KCNIP1: variants seen among roughly 807,000 people sequenced by gnomAD.
The protein encoded by KCNIP1 is A-type potassium channel modulatory protein KCNIP1.
In KCNIP1, 18 loss-of-function variants were observed where a neutral mutation model predicts 33.0. The ratio of observed to expected loss-of-function variants is 0.55; its 90% CI spans 0.38 to 0.81. The LOEUF is 0.81. Ranked by LOEUF, KCNIP1 falls within the 30% of genes least tolerant of loss-of-function variation. The pLI is 0.00. For missense variants in KCNIP1, 238 were observed against 271.6 expected, an observed-to-expected ratio of 0.88 and a Z score of 0.87; for synonymous variants, 93 against 98.3, an observed-to-expected ratio of 0.95 and a Z score of 0.32.
intron 1 of KCNIP1, among the ~76,000 whole-genome samples, chr5:170,585,521 C>T (rs1294259316): frequency 2.0e-5 from 3 of 152,158 alleles, no homozygotes; most frequent in Non-Finnish European, 4.4e-5. Flanking sequence ...TTCAGCTCCA[C>T]CCACTAGTCT....
chr5:170,456,745 G>A (rs1259498964), intron 1 of KCNIP1, among the ~76,000 whole-genome samples: 3 of 64,986 alleles, frequency 4.6e-5, no homozygotes, highest in South Asian at 4.3e-4. Flanking sequence ...TTGAGACAAG[G>A]TCTAGCTCTG....
chr5:170,655,611 C>A (rs1012181565), intron 1 of KCNIP1, among the ~76,000 whole-genome samples: 3 of 152,142 alleles, frequency 2.0e-5, no homozygotes, highest in Admixed American at 6.5e-5. Flanking sequence ...TGACTTCTTC[C>A]CCAGTTTCAG....
chr5:170,518,370 C>T (rs1413618398), intron 1 of KCNIP1, among the ~76,000 whole-genome samples: 1 of 152,138 alleles, frequency 6.6e-6, no homozygotes, highest in African/African-American at 2.4e-5. Context: ...ACAAATCAGC[C>T]CATGCCTTCA....
chr5:170,401,616 G>T (rs1383996340), intron 1 of KCNIP1, among the ~76,000 whole-genome samples: 2 of 152,116 alleles, frequency 1.3e-5, no homozygotes, highest in Admixed American at 1.3e-4. Context: ...CTTTTAATGA[G>T]CCAGGCATGG....
intron 1 of KCNIP1, among the ~76,000 whole-genome samples, chr5:170,464,811 A>G (rs1756576459): frequency 1.3e-5 from 2 of 152,192 alleles, no homozygotes; most frequent in South Asian, 4.1e-4. Context: ...TAACCCCCAA[A>G]GCCTGGCTTA....
intron 5 of KCNIP1, among the ~76,000 whole-genome samples, chr5:170,723,046 A>G (rs1465384563): frequency 6.6e-6 from 1 of 152,154 alleles, no homozygotes; most frequent in Non-Finnish European, 1.5e-5. Context: ...TCACTGGGTC[A>G]CCTAGATTCA....
chr5:170,487,067 A>G (rs1431128730), intron 1 of KCNIP1, among the ~76,000 whole-genome samples: 1 of 152,246 alleles, frequency 6.6e-6, no homozygotes, highest in Non-Finnish European at 1.5e-5. Flanking sequence ...AGAGAGAGAA[A>G]GAGATTTCCT....
intron 1 of KCNIP1, among the ~76,000 whole-genome samples, chr5:170,470,650 A>T (rs1372205131): frequency 3.3e-5 from 5 of 152,154 alleles, no homozygotes; most frequent in Non-Finnish European, 7.4e-5. Flanking sequence ...AAATTAATAC[A>T]TGGAGACTAT....
chr5:170,650,043 T>A (rs534604708), intron 1 of KCNIP1, among the ~76,000 whole-genome samples: 1 of 152,090 alleles, frequency 6.6e-6, no homozygotes, highest in Admixed American at 6.5e-5. Flanking sequence ...TCCTGTGCAG[T>A]TGGGAGAAGG....
intron 1 of KCNIP1, among the ~76,000 whole-genome samples, chr5:170,367,498 A>G (rs1415001701): frequency 2.6e-5 from 4 of 152,180 alleles, no homozygotes; most frequent in Non-Finnish European, 5.9e-5. Flanking sequence ...AAGACCTGGC[A>G]TAGAGTAGGG....
chr5:170,599,688 C>T (rs981442748), intron 1 of KCNIP1, among the ~76,000 whole-genome samples: 1 of 92,478 alleles, frequency 1.1e-5, no homozygotes, highest in East Asian at 2.7e-4. Context: ...TGGGGAAGAG[C>T]GAGAAGTCAG....
chr5:170,517,561 GGGT>G (rs58031006), intron 1 of KCNIP1, among the ~76,000 whole-genome samples: 50,215 of 151,668 alleles, frequency 0.33, 8,382 homozygotes, highest in East Asian at 0.42. Flanking sequence ...TTGATTATAA[GGGT>G]GGTGGTGGTG....
At chr5:170,528,341 TC>T (rs1345610188) in intron 1 of KCNIP1, among the ~76,000 whole-genome samples, 1 of 152,214 alleles carries the variant, frequency 6.6e-6, no homozygotes, top group Non-Finnish European at 1.5e-5. Flanking sequence ...ACCCTGGTAA[TC>T]TTCCTCCTAA....
intron 1 of KCNIP1, among the ~76,000 whole-genome samples, chr5:170,669,265 T>C (rs547327351): frequency 1.6e-3 from 238 of 152,326 alleles, no homozygotes; most frequent in Non-Finnish European, 2.5e-3. Context: ...GTCAATATGA[T>C]TTAGGGCAAG....
intron 1 of KCNIP1, among the ~76,000 whole-genome samples, chr5:170,621,330 G>C (rs2113643321): frequency 6.6e-6 from 1 of 152,002 alleles, no homozygotes; most frequent in South Asian, 2.1e-4. Context: ...TCCAGGGCTA[G>C]TGTAGATCTA....
intron 1 of KCNIP1, among the ~76,000 whole-genome samples, chr5:170,395,663 A>G (rs1236470871): frequency 6.6e-6 from 1 of 152,230 alleles, no homozygotes; most frequent in African/African-American, 2.4e-5. Flanking sequence ...GCAACATCAT[A>G]GAAGTGGGAG....
intron 1 of KCNIP1, among the ~76,000 whole-genome samples, chr5:170,511,103 G>A (rs1037626237): frequency 1.1e-4 from 17 of 152,350 alleles, no homozygotes; most frequent in Admixed American, 5.9e-4. Context: ...CAGTCACTCA[G>A]GAGGCTGAGG....
chr5:170,475,280 G>A (rs750850237), intron 1 of KCNIP1, among the ~76,000 whole-genome samples: 85 of 152,320 alleles, frequency 5.6e-4, no homozygotes, highest in Non-Finnish European at 1.1e-3. Context: ...TTATTTCATT[G>A]CTTGGCTTCC....
chr5:170,630,503 C>T (rs1344593863), intron 1 of KCNIP1, among the ~76,000 whole-genome samples: 2 of 152,232 alleles, frequency 1.3e-5, no homozygotes, highest in African/African-American at 4.8e-5. Context: ...CGTTATGTCG[C>T]TGGAGCCCAG....
Sources: allele counts gnomAD v4.1 joint callset (sites outside exome capture counted in the v4.1 genomes callset), GRCh38; gene constraint gnomAD v4.1.1; transcripts MANE v1.5; gene names NCBI Gene and HGNC (gene_info 2026-07-23, HGNC 2026-07-21).